Variants in MARCHF1 observed in about 807,000 individuals in gnomAD.
The protein encoded by MARCHF1 is E3 ubiquitin-protein ligase MARCHF1.
MARCHF1 carries 40 observed loss-of-function variants against 54.2 expected under a neutral mutation model. The ratio of observed to expected loss-of-function variants is 0.74; its 90% CI spans 0.57 to 0.96. The LOEUF (loss-of-function observed/expected upper bound fraction) is 0.96, where lower values mean the gene tolerates loss of function less well. Among genes scored for constraint, MARCHF1 ranks in the 40% least tolerant of loss-of-function variants. The pLI, the probability that MARCHF1 is intolerant of heterozygous loss-of-function variation, is 0.00. For synonymous variants in MARCHF1, 236 were observed against 236.3 expected, an observed-to-expected ratio of 1.00 and a Z score of 0.01; for missense variants, 586 against 656.5, an observed-to-expected ratio of 0.89 and a Z score of 1.17.
intron 2 of MARCHF1, among the ~76,000 whole-genome samples, chr4:164,051,952 T>C (rs1380497068): frequency 6.6e-6 from 1 of 152,206 alleles, no homozygotes; most frequent in Non-Finnish European, 1.5e-5. Context: ...TGCAGCTACC[T>C]AAAATGAATG....
At chr4:164,007,630 TTCTC>T (rs373682455) in intron 2 of MARCHF1, among the ~76,000 whole-genome samples, 7 of 139,456 alleles carry the variant, frequency 5.0e-5, no homozygotes, top group East Asian at 4.5e-4. Context: ...TAGAATTTAT[TTCTC>T]TCTCTCTCTC....
intron 1 of MARCHF1, among the ~76,000 whole-genome samples, chr4:164,226,505 AC>A (rs1282479358): frequency 6.6e-6 from 1 of 152,140 alleles, no homozygotes; most frequent in Non-Finnish European, 1.5e-5. Context: ...AAATAAACAC[AC>A]AAATAAATGA....
chr4:164,140,630 C>G (rs1430061288), intron 1 of MARCHF1, among the ~76,000 whole-genome samples: 1 of 152,130 alleles, frequency 6.6e-6, no homozygotes, highest in East Asian at 1.9e-4. Flanking sequence ...GATCTGCCAG[C>G]TCCTCGGCTA....
intron 4 of MARCHF1, among the ~76,000 whole-genome samples, chr4:163,815,418 C>T (rs181124516): frequency 6.6e-6 from 1 of 152,154 alleles, no homozygotes; most frequent in Non-Finnish European, 1.5e-5. Context: ...ATGAGTAATG[C>T]ACTGTACTGG....
rs556118079 is a variant in MARCHF1, at chr4:163,720,071, C to T, written c.112-19208G>A. ...TCAATTTTGGCTTTTGTTGCCATTG[C>T]TTTTGGTGTTTTAGAAATGATGTCC... On this transcript the variant is annotated intron_variant, in intron 4 of 9. Coordinates refer to ENST00000514618, the MANE Select transcript of MARCHF1 (RefSeq NM_001394959.1). Among the ~76,000 whole-genome samples the T allele has an allele frequency of 1.2e-4, 18 of 152,212 alleles. No homozygotes were observed. The South Asian group carries it at 3.1e-3, about 26-fold the overall frequency.
At chr4:164,194,385 A>G (rs1331495564) in intron 1 of MARCHF1, among the ~76,000 whole-genome samples, 1 of 152,212 alleles carries the variant, frequency 6.6e-6, no homozygotes, top group Non-Finnish European at 1.5e-5. Context: ...CTGGGAGCAT[A>G]ATGTGAGAAC....
intron 1 of MARCHF1, among the ~76,000 whole-genome samples, chr4:164,379,200 T>C (rs1190039075): frequency 6.6e-6 from 1 of 151,972 alleles, no homozygotes; most frequent in African/African-American, 2.4e-5. Flanking sequence ...AAATCAAATG[T>C]ACACTTGGAA....
intron 1 of MARCHF1, among the ~76,000 whole-genome samples, chr4:164,226,838 G>C (rs1221016381): frequency 6.6e-6 from 1 of 151,848 alleles, no homozygotes; most frequent in African/African-American, 2.4e-5. Flanking sequence ...CATAACAGCT[G>C]AATGAAAGTG....
intron 3 of MARCHF1, among the ~76,000 whole-genome samples, chr4:163,910,052 G>C (rs906231813): frequency 2.6e-5 from 4 of 151,902 alleles, no homozygotes; most frequent in Non-Finnish European, 5.9e-5. Context: ...TCTTAGTCTA[G>C]ATGAGGAGTT....
chr4:163,768,844 T>C (rs796489056), intron 4 of MARCHF1, among the ~76,000 whole-genome samples: 4 of 152,268 alleles, frequency 2.6e-5, no homozygotes, highest in African/African-American at 9.6e-5. Context: ...TCATTCAACA[T>C]AGGGGGATAG....
At chr4:164,002,658 T>C (rs1393427801) in intron 2 of MARCHF1, among the ~76,000 whole-genome samples, 1 of 151,714 alleles carries the variant, frequency 6.6e-6, no homozygotes, top group African/African-American at 2.4e-5. Flanking sequence ...AACGAAATAG[T>C]GTTTGAAAAT....
intron 2 of MARCHF1, among the ~76,000 whole-genome samples, chr4:164,006,401 A>G (rs1372912613): frequency 6.6e-6 from 1 of 152,162 alleles, no homozygotes; most frequent in Non-Finnish European, 1.5e-5. Context: ...AAGACTAGCT[A>G]TGTGAAAATA....
At chr4:164,069,688 A>C (rs546917383) in intron 2 of MARCHF1, among the ~76,000 whole-genome samples, 1 of 152,254 alleles carries the variant, frequency 6.6e-6, no homozygotes, top group East Asian at 1.9e-4. Flanking sequence ...TGTAACACTC[A>C]CCGCGAGGGT....
intron 2 of MARCHF1, among the ~76,000 whole-genome samples, chr4:164,081,219 A>AC (rs974476601): frequency 0.021 from 3,030 of 142,120 alleles, 245 homozygotes; most frequent in African/African-American, 0.076. Flanking sequence ...AAAAAAAAAA[A>AC]AAAAAAAAAA....
chr4:163,877,137 A>G (rs1393784426), intron 3 of MARCHF1, among the ~76,000 whole-genome samples: 3 of 152,198 alleles, frequency 2.0e-5, no homozygotes, highest in African/African-American at 2.4e-5. Flanking sequence ...ACTGTACTGC[A>G]TAAATGATAA....
At chr4:164,363,411 A>G (rs1206048177) in intron 1 of MARCHF1, among the ~76,000 whole-genome samples, 1 of 152,152 alleles carries the variant, frequency 6.6e-6, no homozygotes, top group Admixed American at 6.6e-5. Context: ...CCAAACTATA[A>G]ACTACTTCTT....
intron 1 of MARCHF1, among the ~76,000 whole-genome samples, chr4:164,255,191 G>A (rs2321381): frequency 0.12 from 17,754 of 151,984 alleles, 1,625 homozygotes; most frequent in African/African-American, 0.25. Flanking sequence ...TTGCCATCAG[G>A]GAAAGCTGGA....
intron 7 of MARCHF1, among the ~76,000 whole-genome samples, chr4:163,602,076 A>C (rs1183016625): frequency 6.6e-6 from 1 of 151,956 alleles, no homozygotes; most frequent in Admixed American, 6.6e-5. Flanking sequence ...CCATTTCTAC[A>C]ATTTTTTAAA....
chr4:163,685,516 G>A (rs114498528), intron 5 of MARCHF1, among the ~76,000 whole-genome samples: 135 of 152,146 alleles, frequency 8.9e-4, no homozygotes, highest in African/African-American at 2.9e-3. Flanking sequence ...GTGCAGTAGC[G>A]TGAACTCAGC....
Sources: gnomAD v4.1 joint callset for allele counts (sites outside exome capture counted in the v4.1 genomes callset) on GRCh38, gnomAD v4.1.1 for gene constraint, MANE v1.5 for transcripts, NCBI Gene and HGNC (gene_info 2026-07-23, HGNC 2026-07-21) for gene names.